RXFP1: variants seen among roughly 807,000 people sequenced by gnomAD.
RXFP1 encodes the protein relaxin family peptide receptor 1.
In RXFP1, 73 loss-of-function variants were observed where a neutral mutation model predicts 89.8. That is an observed-to-expected ratio of 0.81 (90% CI 0.67 to 0.99). The LOEUF is 0.99. Among genes scored for constraint, RXFP1 ranks in the 50% least tolerant of loss-of-function variants. The pLI is 0.00. For synonymous variants in RXFP1, 277 were observed against 305.5 expected (o/e 0.91, Z 0.97); for missense variants, 793 against 895.5 (o/e 0.89, Z 1.46).
At chr4:158,546,809 A>G (rs547083791) in intron 1 of RXFP1, among the ~76,000 whole-genome samples, 84 of 151,998 alleles carry the variant, frequency 5.5e-4, no homozygotes, top group Admixed American at 2.1e-3. Flanking sequence ...CCACTTGATC[A>G]TGGTGGATAA....
At chr4:158,561,626 CTTT>C (rs70962615) in intron 1 of RXFP1, among the ~76,000 whole-genome samples, 1 of 112,576 alleles carries the variant, frequency 8.9e-6, no homozygotes, top group Non-Finnish European at 1.8e-5. Flanking sequence ...TTCTTTTTTT[CTTT>C]TTTTTTTTTT....
Position 158,652,774 on chromosome 4 carries a change from G to A in RXFP1, c.*719G>A, listed in dbSNP as rs921134948. 1 of 152,152 alleles carries A rather than the reference G, an allele frequency of 6.6e-6. No homozygotes were observed. The highest frequency in any genetic ancestry group is 1.5e-5 in the Non-Finnish European group (1 of 68,018). 9.4% of individuals were successfully genotyped at this position (152,152 alleles called of 1,614,324 possible). On this transcript the variant is annotated 3_prime_UTR_variant, in exon 18 of 18. Transcript: ENST00000307765. ...ATTGGAATAGGAGAGTATGAGTACG[G>A]CAGAGAAGTGGATCAGAAAAACTAG...
chr4:158,531,181 G>T (rs753714477), intron 1 of RXFP1, among the ~76,000 whole-genome samples: 1 of 152,090 alleles, frequency 6.6e-6, no homozygotes, highest in Non-Finnish European at 1.5e-5. Flanking sequence ...GACTCCAAGT[G>T]CATGCCACCA....
intron 1 of RXFP1, among the ~76,000 whole-genome samples, chr4:158,569,565 C>A (rs1264820037): frequency 6.6e-6 from 1 of 152,146 alleles, no homozygotes; most frequent in Non-Finnish European, 1.5e-5. Flanking sequence ...TGCTGTGAAC[C>A]TAATAGCTAT....
chr4:158,625,623 G>C (rs994886740), intron 9 of RXFP1, among the ~76,000 whole-genome samples: 11 of 152,064 alleles, frequency 7.2e-5, no homozygotes, highest in African/African-American at 2.4e-4. Context: ...TGGTCTTCCA[G>C]ATTTTACAGA....
At position 158,522,719 on chromosome 4, in the gene RXFP1, A is replaced by G. The variant is rs569267693; in HGVS notation, c.49+694A>G. On this transcript the variant is annotated intron_variant, in intron 1 of 17. Coordinates refer to ENST00000307765, the MANE Select transcript of RXFP1 (RefSeq NM_021634.4). Reference sequence around the variant, plus strand: ...TTTGAATTATAGTATGTAGACAGAAATAAAGTGTTTTTGTTTCTTAGGTAA... The same window carrying G: ...TTTGAATTATAGTATGTAGACAGAAGTAAAGTGTTTTTGTTTCTTAGGTAA... 2.0e-5 allele frequency among the ~76,000 whole-genome samples: 3 copies of G among 152,368 alleles called. No individual in the cohort carries two copies. In the East Asian group the frequency reaches 5.8e-4, roughly 29 times the overall value.
intron 3 of RXFP1, among the ~76,000 whole-genome samples, chr4:158,594,952 G>T (rs775084289): frequency 5.3e-4 from 81 of 151,918 alleles, no homozygotes; most frequent in Admixed American, 1.2e-3. Context: ...CAAATGCTTA[G>T]GTGGTTATTT....
At chr4:158,646,619 G>A in intron 15 of RXFP1, 172 bp from the exon 16 acceptor site, 5 of 1,415,934 alleles carry the variant, frequency 3.5e-6, no homozygotes, top group Non-Finnish European at 4.6e-6. Flanking sequence ...ACCAAAGAGA[G>A]TCTATGAATA....
chr4:158,623,069 C>A (rs1233491753), intron 9 of RXFP1, among the ~76,000 whole-genome samples: 3 of 152,098 alleles, frequency 2.0e-5, no homozygotes, highest in African/African-American at 7.2e-5. Flanking sequence ...GTGCATTAAA[C>A]AACACAATGA....
intron 1 of RXFP1, among the ~76,000 whole-genome samples, chr4:158,572,428 C>T (rs2149996628): frequency 6.6e-6 from 1 of 152,222 alleles, no homozygotes; most frequent in South Asian, 2.1e-4. Flanking sequence ...GAAGTATGGG[C>T]AGACGTTTCA....
At chr4:158,624,339 A>C (rs73860549) in intron 9 of RXFP1, among the ~76,000 whole-genome samples, 289 of 152,286 alleles carry the variant, frequency 1.9e-3, no homozygotes, top group African/African-American at 6.5e-3. Flanking sequence ...CAGAAATGTA[A>C]AAGGTAGAGG....
At chr4:158,581,014 T>C (rs1322063348) in intron 2 of RXFP1, among the ~76,000 whole-genome samples, 1 of 152,094 alleles carries the variant, frequency 6.6e-6, no homozygotes, top group Non-Finnish European at 1.5e-5. Flanking sequence ...GCTCTCGAAC[T>C]CCTGACCTCA....
chr4:158,631,744 A>T (rs1349077138), intron 11 of RXFP1, among the ~76,000 whole-genome samples: 1 of 152,178 alleles, frequency 6.6e-6, no homozygotes, highest in Non-Finnish European at 1.5e-5. Context: ...TTGGATAGAA[A>T]GTGGTAGGCA....
intron 14 of RXFP1, among the ~76,000 whole-genome samples, chr4:158,641,453 G>T (rs991498614): frequency 4.6e-5 from 7 of 152,120 alleles, no homozygotes; most frequent in Non-Finnish European, 1.0e-4. Context: ...ATTGAGTGCT[G>T]GGCAGCCAAA....
intron 8 of RXFP1, among the ~76,000 whole-genome samples, chr4:158,615,437 G>A (rs1484389849): frequency 6.6e-6 from 1 of 152,088 alleles, no homozygotes; most frequent in African/African-American, 2.4e-5. Context: ...TTGGGAAGCT[G>A]AGGCAGGAGA....
At chr4:158,630,780 G>A (rs1398789991) in intron 11 of RXFP1, among the ~76,000 whole-genome samples, 2 of 152,138 alleles carry the variant, frequency 1.3e-5, no homozygotes, top group African/African-American at 2.4e-5. Context: ...TCTAAGAGTC[G>A]ATGGCTTTCA....
intron 9 of RXFP1, among the ~76,000 whole-genome samples, chr4:158,626,260 G>A (rs1766809486): frequency 6.6e-6 from 1 of 152,004 alleles, no homozygotes; most frequent in African/African-American, 2.4e-5. Flanking sequence ...GTCTGCGCTG[G>A]CCTTTGAGAC....
intron 2 of RXFP1, among the ~76,000 whole-genome samples, chr4:158,584,907 AT>A: frequency 6.6e-6 from 1 of 152,320 alleles, no homozygotes; most frequent in South Asian, 2.1e-4. Flanking sequence ...CTAGAAAATG[AT>A]TAGTCTAAAT....
In RXFP1 at chr4:158,552,545, CATTCAGAGCTT is replaced by C. The variant is rs563640617; in HGVS notation, c.50-20149_50-20139del. 2.9e-3 allele frequency among the ~76,000 whole-genome samples: 437 copies of C among 152,270 alleles called. 3 individuals are homozygous for C. Among genetic ancestry groups the C allele is most frequent in the African/African-American group, 0.01 (418 of 41,540 alleles). ...AACATCTCGTCTTGTTTTAGGCCCT[CATTCAGAGCTT>C]ATTTGCTTACTTTCACATAGAAATG... On this transcript the variant is annotated intron_variant, in intron 1 of 17. Coordinates refer to ENST00000307765, the MANE Select transcript of RXFP1 (RefSeq NM_021634.4).
Sources: allele counts gnomAD v4.1 joint callset (sites outside exome capture counted in the v4.1 genomes callset), GRCh38; gene constraint gnomAD v4.1.1; transcripts MANE v1.5; gene names NCBI Gene and HGNC (gene_info 2026-07-23, HGNC 2026-07-21).